Variants in UBAP2 observed in about 807,000 individuals in gnomAD.
The protein encoded by UBAP2 is ubiquitin-associated protein 2.
UBAP2 carries 75 observed loss-of-function variants against 139.6 expected under a neutral mutation model. The observed-to-expected ratio is 0.54, with a 90% CI of 0.45 to 0.65. The LOEUF (loss-of-function observed/expected upper bound fraction) is 0.65. Ranked by LOEUF, UBAP2 falls within the 30% of genes least tolerant of loss-of-function variation. UBAP2 has a pLI of 0.00. For synonymous variants in UBAP2, 526 were observed against 526.2 expected, an observed-to-expected ratio of 1.00 and a Z score of 0.01; for missense variants, 1,368 against 1,369.6, an observed-to-expected ratio of 1.00 and a Z score of 0.02.
intron 19 of UBAP2, 138 bp from the exon 20 acceptor site, chr9:33,928,130 G>A: frequency 2.3e-6 from 2 of 863,448 alleles, no homozygotes; most frequent in Non-Finnish European, 3.5e-6. Context: ...CTCCCTTAAG[G>A]TGAGAGGCTC....
At chr9:33,986,711 C>G in intron 6 of UBAP2, 49 bp downstream of exon 6, 2 of 1,516,758 alleles carry the variant, frequency 1.3e-6, no homozygotes, top group Non-Finnish European at 9.2e-7. Context: ...CAACTGCCTG[C>G]TTCTTCCCCC....
intron 5 of UBAP2, among the ~76,000 whole-genome samples, chr9:33,988,519 T>C (rs375010413): frequency 1.3e-5 from 2 of 152,342 alleles, no homozygotes; most frequent in African/African-American, 4.8e-5. Flanking sequence ...CCCTTGTCTA[T>C]ACCATGAGTG....
At chr9:34,028,515 G>C (rs916292486) in intron 1 of UBAP2, among the ~76,000 whole-genome samples, 13 of 151,928 alleles carry the variant, frequency 8.6e-5, no homozygotes, top group Admixed American at 3.9e-4. Flanking sequence ...AAGTAGCTGG[G>C]ATTACAGGCA....
At chr9:33,933,000 C>G (rs1824129533) in intron 18 of UBAP2, among the ~76,000 whole-genome samples, 1 of 152,238 alleles carries the variant, frequency 6.6e-6, no homozygotes, top group South Asian at 2.1e-4. Context: ...ATCAAATCCA[C>G]TTTTGCTCCT....
intron 11 of UBAP2, 38 bp from the exon 12 acceptor site, chr9:33,953,512 C>G (rs754771877): frequency 3.2e-6 from 5 of 1,564,382 alleles, no homozygotes; most frequent in Non-Finnish European, 3.5e-6. Context: ...CAGTCATAAG[C>G]AAATCTTACC....
At chr9:34,016,825 T>C (rs1224949957) in intron 2 of UBAP2, among the ~76,000 whole-genome samples, 1 of 152,106 alleles carries the variant, frequency 6.6e-6, no homozygotes, top group Admixed American at 6.6e-5. Context: ...CCCAAAGTGC[T>C]GGGATTACAG....
At position 33,922,701 on chromosome 9, in the gene UBAP2, G is replaced by A. The variant is rs145638776; in HGVS notation, c.3250C>T (p.Pro1084Ser). 1.2e-5 allele frequency: 18 copies of A among 1,550,264 alleles called. No homozygotes were observed. The African/African-American group carries it at 2.5e-4, about 21-fold the overall frequency. Residue 1084 changes from proline to serine, a missense_variant, in exon 28 of 29, where the codon CCG becomes TCG. By Grantham distance (74) the Pro-to-Ser change is moderately conservative. Coordinates refer to ENST00000379238, the MANE Select transcript of UBAP2 (RefSeq NM_001370062.2). ...PHSQLLHHHL[P>S]QDAQSGSGQR... The stretch of plus-strand genomic sequence containing the variant: ...ACTGTACTCACCTGTGCATCCTGCG[G>A]AAGGTGGTGGTGCAGCAGCTGTGAG...
At chr9:33,924,072 C>A in intron 23 of UBAP2, 72 bp from the exon 24 acceptor site, 1 of 1,598,672 alleles carries the variant, frequency 6.3e-7, no homozygotes, top group Admixed American at 1.7e-5. Context: ...CTTCTGCAAA[C>A]AGGAACAGGT....
intron 9 of UBAP2, among the ~76,000 whole-genome samples, chr9:33,962,737 G>T (rs1827164935): frequency 1.3e-5 from 2 of 151,736 alleles, no homozygotes; most frequent in Admixed American, 6.6e-5. Flanking sequence ...AGCATTTCGG[G>T]AGGCAGAGAT....
At chr9:33,984,575 G>C (rs1821043577) in intron 6 of UBAP2, among the ~76,000 whole-genome samples, 1 of 151,854 alleles carries the variant, frequency 6.6e-6, no homozygotes, top group South Asian at 2.1e-4. Context: ...CTGCTCAGGA[G>C]GCTGAGGTGG....
chr9:33,932,798 G>C (rs1345277280), intron 18 of UBAP2, among the ~76,000 whole-genome samples, 170 bp from the exon 19 acceptor site: 1 of 152,210 alleles, frequency 6.6e-6, no homozygotes, highest in Non-Finnish European at 1.5e-5. Context: ...ATGGGGTCCT[G>C]GTGGACGGGA....
intron 11 of UBAP2, among the ~76,000 whole-genome samples, chr9:33,954,386 A>AC (rs1826375426): frequency 6.6e-6 from 1 of 151,542 alleles, no homozygotes; most frequent in South Asian, 2.1e-4. Flanking sequence ...CTCTTAAAAC[A>AC]CCCCCCAGAC....
intron 6 of UBAP2, among the ~76,000 whole-genome samples, chr9:33,982,582 T>C (rs1820857268): frequency 6.6e-6 from 1 of 152,152 alleles, no homozygotes; most frequent in African/African-American, 2.4e-5. Flanking sequence ...TTCACCGGTA[T>C]ATATACTGAT....
intron 16 of UBAP2, among the ~76,000 whole-genome samples, chr9:33,941,165 G>T (rs1243053729): frequency 1.3e-5 from 2 of 152,168 alleles, no homozygotes; most frequent in South Asian, 2.1e-4. Context: ...CAGTTAGCAA[G>T]AATCTAGAAG....
chr9:34,036,675 C>T (rs1039914969), intron 1 of UBAP2, among the ~76,000 whole-genome samples: 1 of 152,100 alleles, frequency 6.6e-6, no homozygotes, highest in East Asian at 1.9e-4. Flanking sequence ...AATAAATATT[C>T]GTTCAAGTGA....
chr9:34,034,548 T>C (rs1405817732), intron 1 of UBAP2, among the ~76,000 whole-genome samples: 1 of 152,142 alleles, frequency 6.6e-6, no homozygotes, highest in Non-Finnish European at 1.5e-5. Context: ...ACTACACTAA[T>C]GAGAAATACC....
intron 1 of UBAP2, among the ~76,000 whole-genome samples, chr9:34,047,962 G>C (rs976114526): frequency 1.3e-5 from 2 of 152,148 alleles, no homozygotes; most frequent in African/African-American, 4.8e-5. Flanking sequence ...GTAAATGACT[G>C]GATTACATCA....
intron 8 of UBAP2, among the ~76,000 whole-genome samples, chr9:33,964,723 A>G (rs1449108745): frequency 6.6e-6 from 1 of 152,078 alleles, no homozygotes; most frequent in East Asian, 1.9e-4. Flanking sequence ...TAAAAAAAAA[A>G]GAAGCAAGAA....
At chr9:34,018,209 C>G (rs1309002746) in intron 1 of UBAP2, among the ~76,000 whole-genome samples, 1 of 143,664 alleles carries the variant, frequency 7.0e-6, no homozygotes, top group East Asian at 2.1e-4. Flanking sequence ...ACTTCCTACC[C>G]TTTAGGGATA....
Sources: allele counts gnomAD v4.1 joint callset (sites outside exome capture counted in the v4.1 genomes callset), GRCh38; gene constraint gnomAD v4.1.1; transcripts MANE v1.5; gene names NCBI Gene and HGNC (gene_info 2026-07-23, HGNC 2026-07-21).